ULK4: variants seen among roughly 807,000 people sequenced by gnomAD.
ULK4 encodes the protein unc-51 like kinase 4, also known as inactive serine/threonine-protein kinase ULK4.
In ULK4, 133 loss-of-function variants were observed where a neutral mutation model predicts 160.6. The observed-to-expected ratio is 0.83, with a 90% CI of 0.72 to 0.96. The LOEUF (loss-of-function observed/expected upper bound fraction) is 0.96, where lower values mean the gene tolerates loss of function less well. Among genes scored for constraint, ULK4 ranks in the 40% least tolerant of loss-of-function variants. The pLI, the probability that ULK4 is intolerant of heterozygous loss-of-function variation, is 0.00. For synonymous variants in ULK4, 534 were observed against 539.8 expected (o/e 0.99, Z 0.15); for missense variants, 1,580 against 1,499.5 (o/e 1.05, Z -0.89).
chr3:41,773,977 T>C (rs970961412), intron 21 of ULK4, among the ~76,000 whole-genome samples: 1 of 152,162 alleles, frequency 6.6e-6, no homozygotes, highest in Non-Finnish European at 1.5e-5. Context: ...GGGAAAAGGA[T>C]TCCCTATTTA....
At chr3:41,606,125 T>C (rs2032372580) in intron 31 of ULK4, among the ~76,000 whole-genome samples, 2 of 152,002 alleles carry the variant, frequency 1.3e-5, no homozygotes. Flanking sequence ...TAGCACTAAA[T>C]GTTTATATTT....
intron 35 of ULK4, among the ~76,000 whole-genome samples, chr3:41,300,004 T>C (rs1054718454): frequency 2.6e-5 from 4 of 152,210 alleles, no homozygotes; most frequent in African/African-American, 7.2e-5. Flanking sequence ...AATATGGCTC[T>C]TGAAATAGGC....
intron 23 of ULK4, 32 bp from the exon 24 acceptor site, chr3:41,715,600 G>T: frequency 6.2e-7 from 1 of 1,613,124 alleles, no homozygotes; most frequent in South Asian, 1.1e-5. Flanking sequence ...ATATGTGGAG[G>T]TTAAAAACCA....
intron 31 of ULK4, among the ~76,000 whole-genome samples, chr3:41,600,477 G>A (rs577597733): frequency 6.6e-6 from 1 of 152,318 alleles, no homozygotes; most frequent in African/African-American, 2.4e-5. Flanking sequence ...ACTCTGACAG[G>A]AGGGCAGAAA....
At chr3:41,616,103 A>T in intron 30 of ULK4, among the ~76,000 whole-genome samples, 1 of 152,204 alleles carries the variant, frequency 6.6e-6, no homozygotes, top group Non-Finnish European at 1.5e-5. Context: ...TATATGCCTC[A>T]TTAGCTGTAT....
At chr3:41,558,761 G>A (rs564947884) in intron 32 of ULK4, among the ~76,000 whole-genome samples, 17 of 151,642 alleles carry the variant, frequency 1.1e-4, no homozygotes, top group African/African-American at 2.4e-4. Context: ...TAAATTCTTC[G>A]GTGGGCGGGG....
At chr3:41,489,475 C>A (rs922129702) in intron 32 of ULK4, among the ~76,000 whole-genome samples, 14 of 152,104 alleles carry the variant, frequency 9.2e-5, no homozygotes, top group Non-Finnish European at 4.4e-5. Context: ...TGGCCCCATG[C>A]CTCACAATCC....
intron 32 of ULK4, among the ~76,000 whole-genome samples, chr3:41,551,692 T>G (rs2087074736): frequency 6.6e-6 from 1 of 151,834 alleles, no homozygotes; most frequent in African/African-American, 2.4e-5. Context: ...TACCAAACTT[T>G]CAAAGAAGAA....
At chr3:41,500,561 T>C (rs139444025) in intron 32 of ULK4, among the ~76,000 whole-genome samples, 11 of 152,296 alleles carry the variant, frequency 7.2e-5, no homozygotes, top group South Asian at 2.1e-4. Flanking sequence ...CTCAAATCCC[T>C]AGCAGACTTC....
At chr3:41,512,848 G>T (rs2085627026) in intron 32 of ULK4, among the ~76,000 whole-genome samples, 1 of 152,126 alleles carries the variant, frequency 6.6e-6, no homozygotes, top group South Asian at 2.1e-4. Flanking sequence ...AACAAATCTG[G>T]AGGTATCATA....
chr3:41,911,477 C>G, intron 10 of ULK4, 64 bp downstream of exon 10: 1 of 1,588,074 alleles, frequency 6.3e-7, no homozygotes, highest in East Asian at 2.2e-5. Context: ...GGACATAACA[C>G]TGAAATTAGG....
At chr3:41,663,204 G>C (rs2035242212) in intron 30 of ULK4, among the ~76,000 whole-genome samples, 1 of 151,352 alleles carries the variant, frequency 6.6e-6, no homozygotes, top group Admixed American at 6.6e-5. Flanking sequence ...CTGGGTGACA[G>C]AGTAAGACTC....
intron 34 of ULK4, among the ~76,000 whole-genome samples, chr3:41,404,114 T>C (rs2082242658): frequency 6.6e-6 from 1 of 152,204 alleles, no homozygotes; most frequent in African/African-American, 2.4e-5. Flanking sequence ...TTGAGTGTAT[T>C]GTTCAATTTT....
intron 35 of ULK4, among the ~76,000 whole-genome samples, chr3:41,282,190 T>C (rs936526077): frequency 3.9e-5 from 6 of 152,164 alleles, no homozygotes; most frequent in Non-Finnish European, 7.3e-5. Flanking sequence ...TCCTCATGGA[T>C]AGGAAGAATT....
intron 32 of ULK4, among the ~76,000 whole-genome samples, chr3:41,499,924 A>C (rs781605033): frequency 4.6e-5 from 7 of 152,160 alleles, no homozygotes; most frequent in African/African-American, 1.4e-4. Flanking sequence ...TGGTTAAGCT[A>C]TATTTTTCTG....
chr3:41,869,614 CAT>C (rs1317269221), intron 17 of ULK4, among the ~76,000 whole-genome samples: 1 of 152,058 alleles, frequency 6.6e-6, no homozygotes, highest in African/African-American at 2.4e-5. Flanking sequence ...ATACATAAAA[CAT>C]AATATACACA....
intron 20 of ULK4, among the ~76,000 whole-genome samples, chr3:41,792,330 A>G (rs1034280430): frequency 1.3e-5 from 2 of 152,146 alleles, no homozygotes; most frequent in East Asian, 3.8e-4. Context: ...AAAAATTGTG[A>G]AAGTTTTAAA....
intron 30 of ULK4, among the ~76,000 whole-genome samples, chr3:41,626,626 G>A (rs113888675): frequency 1.7e-4 from 25 of 150,902 alleles, no homozygotes; most frequent in African/African-American, 5.9e-4. Context: ...CCAGGTTCAC[G>A]CCATTCTCCT....
chr3:41,556,487 CTT>C (rs34888775), intron 32 of ULK4, among the ~76,000 whole-genome samples: 1 of 117,078 alleles, frequency 8.5e-6, no homozygotes, highest in Non-Finnish European at 1.6e-5. Flanking sequence ...CTCTACCAAA[CTT>C]TTTTTTTTTT....
Sources: allele counts gnomAD v4.1 joint callset (sites outside exome capture counted in the v4.1 genomes callset), GRCh38; gene constraint gnomAD v4.1.1; transcripts MANE v1.5; gene names NCBI Gene and HGNC (gene_info 2026-07-23, HGNC 2026-07-21).